The following RBFOX1 variants were observed in gnomAD, a reference collection of about 807,000 sequenced individuals.
RBFOX1 encodes the protein RNA binding fox-1 homolog 1, also known as RNA binding protein fox-1 homolog 1.
A neutral mutation model predicts 57.7 loss-of-function variants in RBFOX1; 8 were observed. The ratio of observed to expected loss-of-function variants is 0.14; its 90% confidence interval spans 0.08 to 0.25. The LOEUF (loss-of-function observed/expected upper bound fraction) is 0.25. Ranked by LOEUF, RBFOX1 falls within the 10% of genes least tolerant of loss-of-function variation. The pLI, the probability that RBFOX1 is intolerant of heterozygous loss-of-function variation, is 1.00. For missense variants in RBFOX1, 611 were observed against 548.5 expected (o/e 1.11, Z -1.14); for synonymous variants, 326 against 222.4 (o/e 1.47, Z -4.15).
intron 10 of RBFOX1, among the ~76,000 whole-genome samples, chr16:7,610,542 T>C (rs922927293): frequency 1.3e-5 from 2 of 152,186 alleles, no homozygotes; most frequent in African/African-American, 4.8e-5. Context: ...AAGTGTTACA[T>C]GACAAATCTG....
At chr16:7,246,665 T>G (rs2094314451) in intron 4 of RBFOX1, among the ~76,000 whole-genome samples, 1 of 143,912 alleles carries the variant, frequency 6.9e-6, no homozygotes, top group African/African-American at 2.7e-5. Flanking sequence ...TTACTGAGTT[T>G]GAATGCAATT....
At chr16:7,234,087 G>T (rs191174297) in intron 4 of RBFOX1, among the ~76,000 whole-genome samples, 1 of 152,162 alleles carries the variant, frequency 6.6e-6, no homozygotes, top group South Asian at 2.1e-4. Flanking sequence ...TCACAAGAAT[G>T]CTTGGTCAAT....
chr16:7,262,626 T>C (rs2094961789), intron 4 of RBFOX1, among the ~76,000 whole-genome samples: 1 of 152,274 alleles, frequency 6.6e-6, no homozygotes, highest in Non-Finnish European at 1.5e-5. Flanking sequence ...GGCTCATCTC[T>C]GCAGCTTTGA....
chr16:5,831,961 C>G (rs78039956), intron 3 of RBFOX1, among the ~76,000 whole-genome samples: 2 of 152,154 alleles, frequency 1.3e-5, no homozygotes, highest in African/African-American at 4.8e-5. Flanking sequence ...AAATGTCTAT[C>G]GAGAGGTTGA....
At chr16:5,793,857 G>C (rs2151737578) in intron 3 of RBFOX1, among the ~76,000 whole-genome samples, 1 of 152,318 alleles carries the variant, frequency 6.6e-6, no homozygotes, top group East Asian at 1.9e-4. Flanking sequence ...CAAATGTACT[G>C]GGAGACTGGA....
At chr16:6,919,257 G>C (rs1478183986) in intron 3 of RBFOX1, among the ~76,000 whole-genome samples, 1 of 152,008 alleles carries the variant, frequency 6.6e-6, no homozygotes, top group Non-Finnish European at 1.5e-5. Flanking sequence ...TGCTGGGCTG[G>C]GATTACAGGT....
intron 3 of RBFOX1, among the ~76,000 whole-genome samples, chr16:6,878,564 A>C (rs1492380): frequency 0.25 from 38,184 of 152,096 alleles, 5,001 homozygotes; most frequent in African/African-American, 0.32. Context: ...CCACAGCATC[A>C]CATGGCGCAT....
At chr16:6,696,024 C>G (rs74533689) in intron 3 of RBFOX1, among the ~76,000 whole-genome samples, 2 of 152,206 alleles carry the variant, frequency 1.3e-5, no homozygotes, top group East Asian at 3.9e-4. Flanking sequence ...TCCACTTAAA[C>G]TGGCAAAGAC....
chr16:6,624,735 G>A (rs2098279817), intron 2 of RBFOX1, among the ~76,000 whole-genome samples: 1 of 152,086 alleles, frequency 6.6e-6, no homozygotes, highest in Non-Finnish European at 1.5e-5. Flanking sequence ...GAAAAAGGCT[G>A]GAAACTCACT....
chr16:6,356,684 C>T (rs770921835), intron 2 of RBFOX1, among the ~76,000 whole-genome samples: 25 of 152,094 alleles, frequency 1.6e-4, no homozygotes, highest in Admixed American at 9.2e-4. Context: ...ATACCATTAC[C>T]GTGGTATCCT....
chr16:6,987,187 G>C (rs956652471), intron 3 of RBFOX1, among the ~76,000 whole-genome samples: 18 of 152,024 alleles, frequency 1.2e-4, no homozygotes, highest in Non-Finnish European at 2.2e-4. Flanking sequence ...GAAGTGTTTT[G>C]CCAAGTCTTG....
chr16:5,247,355 C>A (rs1324038392), intron 1 of RBFOX1, among the ~76,000 whole-genome samples: 2 of 152,206 alleles, frequency 1.3e-5, no homozygotes, highest in Non-Finnish European at 2.9e-5. Context: ...GAGAATCCAG[C>A]CTTGGTGGAG....
intron 1 of RBFOX1, among the ~76,000 whole-genome samples, chr16:5,296,604 T>C (rs1252759133): frequency 6.6e-6 from 1 of 151,994 alleles, no homozygotes; most frequent in Non-Finnish European, 1.5e-5. Flanking sequence ...CTTGAACATT[T>C]TCCTCCTTTC....
At chr16:7,616,212 G>A (rs1317967165) in intron 10 of RBFOX1, among the ~76,000 whole-genome samples, 2 of 152,228 alleles carry the variant, frequency 1.3e-5, no homozygotes, top group Admixed American at 1.3e-4. Context: ...GGATACAGAT[G>A]AAAAATTAGC....
intron 1 of RBFOX1, among the ~76,000 whole-genome samples, chr16:5,307,286 G>T (rs11639571): frequency 6.6e-6 from 1 of 152,138 alleles, no homozygotes; most frequent in East Asian, 1.9e-4. Context: ...CTGGCACTCA[G>T]GTGTGCAAAC....
chr16:6,870,411 T>G (rs2060665270), intron 3 of RBFOX1, among the ~76,000 whole-genome samples: 1 of 152,210 alleles, frequency 6.6e-6, no homozygotes, highest in South Asian at 2.1e-4. Flanking sequence ...TCAGCAAGTC[T>G]TACCTCACTT....
Position 6,584,557 on chromosome 16 carries a change from T to C in RBFOX1, c.-63-70046T>C, listed in dbSNP as rs961918218. On this transcript the variant is annotated intron_variant, in intron 2 of 15. Transcript: ENST00000550418. ...TAATTTTTTGTAATATTAGCAGAGA[T>C]AGGGTTTTGCCATGTTGACCAGGCT... 2.0e-5 allele frequency among the ~76,000 whole-genome samples: 3 copies of C among 151,994 alleles called. No homozygotes were observed. In the East Asian group the frequency reaches 5.8e-4, roughly 30 times the overall value.
chr16:6,872,225 T>C (rs1603634907), intron 3 of RBFOX1, among the ~76,000 whole-genome samples: 1 of 152,160 alleles, frequency 6.6e-6, no homozygotes, highest in African/African-American at 2.4e-5. Context: ...GACCAGCACA[T>C]AGTAGAGATT....
intron 2 of RBFOX1, among the ~76,000 whole-genome samples, chr16:6,645,538 C>T (rs1210922944): frequency 6.6e-6 from 1 of 152,122 alleles, no homozygotes; most frequent in Non-Finnish European, 1.5e-5. Flanking sequence ...TCAAAAACAA[C>T]CAACACACCA....
Sources: allele counts gnomAD v4.1 joint callset (sites outside exome capture counted in the v4.1 genomes callset), GRCh38; gene constraint gnomAD v4.1.1; transcripts MANE v1.5; gene names NCBI Gene and HGNC (gene_info 2026-07-23, HGNC 2026-07-21).